CTNNA3: variants seen among roughly 807,000 people sequenced by gnomAD.
CTNNA3 encodes catenin alpha 3.
CTNNA3 carries 76 observed loss-of-function variants against 95.7 expected under a neutral mutation model. That is an observed-to-expected ratio of 0.79 (90% CI 0.66 to 0.96). CTNNA3 has a LOEUF of 0.96. CTNNA3 is among the 40% of genes least tolerant of loss of function. The pLI is 0.00. For synonymous variants in CTNNA3, 431 were observed against 374.4 expected, an observed-to-expected ratio of 1.15 and a Z score of -1.74; for missense variants, 1,191 against 1,089.8, an observed-to-expected ratio of 1.09 and a Z score of -1.31.
At chr10:66,768,764 A>G (rs535535357) in intron 8 of CTNNA3, among the ~76,000 whole-genome samples, 2 of 125,242 alleles carry the variant, frequency 1.6e-5, no homozygotes, top group Admixed American at 1.8e-4. Context: ...TACAATAAAG[A>G]AAAACTTAGA....
At chr10:66,093,080 T>C (rs1253432446) in intron 14 of CTNNA3, among the ~76,000 whole-genome samples, 1 of 152,020 alleles carries the variant, frequency 6.6e-6, no homozygotes, top group African/African-American at 2.4e-5. Flanking sequence ...CATATTAAGA[T>C]ATTTGGTAAA....
chr10:66,895,063 AAAAAAAAAAG>A (rs1231029482), intron 7 of CTNNA3, among the ~76,000 whole-genome samples: 1 of 149,086 alleles, frequency 6.7e-6, no homozygotes, highest in African/African-American at 2.5e-5. Flanking sequence ...ACAAAAAAAA[AAAAAAAAAAG>A]AAAGTGTCCT....
intron 7 of CTNNA3, among the ~76,000 whole-genome samples, chr10:66,974,711 G>A (rs1325726989): frequency 6.6e-6 from 1 of 151,888 alleles, no homozygotes; most frequent in Non-Finnish European, 1.5e-5. Context: ...TCATTTTAAT[G>A]AGCAGGAAGT....
intron 5 of CTNNA3, among the ~76,000 whole-genome samples, chr10:67,421,343 A>G (rs1845744142): frequency 6.6e-6 from 1 of 152,240 alleles, no homozygotes; most frequent in South Asian, 2.1e-4. Flanking sequence ...TGGATAACTC[A>G]CAAAGTTAAT....
intron 5 of CTNNA3, among the ~76,000 whole-genome samples, chr10:67,285,174 A>G (rs1839549442): frequency 6.6e-6 from 1 of 152,224 alleles, no homozygotes; most frequent in Admixed American, 6.5e-5. Flanking sequence ...GTTTTAGAAG[A>G]CACTGTTCTC....
chr10:67,310,226 C>T (rs114318200), intron 5 of CTNNA3, among the ~76,000 whole-genome samples: 6,753 of 152,176 alleles, frequency 0.044, 156 homozygotes, highest in South Asian at 0.097. Context: ...CCACTGTAAA[C>T]CCTCTATTTA....
At chr10:66,449,228 C>CA (rs1311382729) in intron 11 of CTNNA3, among the ~76,000 whole-genome samples, 3 of 152,000 alleles carry the variant, frequency 2.0e-5, no homozygotes, top group African/African-American at 7.2e-5. Flanking sequence ...CATTCATCTA[C>CA]ATTGAGTGCT....
At chr10:67,022,511 G>A (rs1468338183) in intron 7 of CTNNA3, among the ~76,000 whole-genome samples, 1 of 152,114 alleles carries the variant, frequency 6.6e-6, no homozygotes, top group African/African-American at 2.4e-5. Context: ...GATGACAAAG[G>A]AAATGGCAGG....
At chr10:66,413,989 T>C (rs2093127328) in intron 11 of CTNNA3, among the ~76,000 whole-genome samples, 1 of 152,224 alleles carries the variant, frequency 6.6e-6, no homozygotes, top group East Asian at 1.9e-4. Context: ...ATTCTACTAC[T>C]TGATATAATC....
chr10:66,993,752 A>T (rs1851172306), intron 7 of CTNNA3, among the ~76,000 whole-genome samples: 1 of 150,298 alleles, frequency 6.7e-6, no homozygotes. Flanking sequence ...ATTTCGGATT[A>T]TGTGGAGAAA....
intron 9 of CTNNA3, among the ~76,000 whole-genome samples, chr10:66,761,819 G>T (rs546366323): frequency 6.6e-6 from 1 of 152,210 alleles, no homozygotes; most frequent in East Asian, 1.9e-4. Context: ...AGTCTATAGA[G>T]TCTGCTTTTG....
chr10:67,097,802 A>T, intron 7 of CTNNA3: 1 of 1,611,910 alleles, frequency 6.2e-7, no homozygotes, highest in Non-Finnish European at 8.5e-7. Context: ...CTTAACTGAG[A>T]TCATTGGTAG....
rs71468819 is a variant in CTNNA3, at chr10:67,736,451, A to AT, written c.-2+26982dup. Among the ~76,000 whole-genome samples, 1,118 of 118,028 alleles carry AT rather than the reference A, an allele frequency of 9.5e-3. 9 individuals carry two copies. Among genetic ancestry groups the AT allele is most frequent in the Non-Finnish European group, 0.013 (763 of 59,806 alleles). 77.4% of individuals were successfully genotyped at this position (118,028 alleles called of 152,430 possible). On this transcript the variant is annotated intron_variant, in intron 1 of 17. Coordinates refer to the CTNNA3 transcript ENST00000684154. ...TTTATGTTATGCATATTTTACCACA[A>AT]TTTTTTTTTTTTTTTTTTTTTTGAG...
chr10:66,014,264 T>A (rs1212647447), intron 15 of CTNNA3, among the ~76,000 whole-genome samples: 1 of 152,116 alleles, frequency 6.6e-6, no homozygotes, highest in Non-Finnish European at 1.5e-5. Context: ...TTGAAAGTAT[T>A]TAATAATTTC....
At chr10:67,286,281 G>T (rs1037590818) in intron 5 of CTNNA3, among the ~76,000 whole-genome samples, 1 of 152,136 alleles carries the variant, frequency 6.6e-6, no homozygotes, top group Non-Finnish European at 1.5e-5. Flanking sequence ...TTCAATCTAT[G>T]ACTAAATAAT....
At chr10:65,966,295 C>T (rs1382793460) in intron 17 of CTNNA3, among the ~76,000 whole-genome samples, 2 of 152,130 alleles carry the variant, frequency 1.3e-5, no homozygotes, top group African/African-American at 2.4e-5. Flanking sequence ...TTATAGGATT[C>T]ATTCCGGAGT....
chr10:66,667,412 G>A (rs1240597649), intron 9 of CTNNA3, among the ~76,000 whole-genome samples: 3 of 152,178 alleles, frequency 2.0e-5, no homozygotes, highest in Non-Finnish European at 4.4e-5. Flanking sequence ...GAACAGAGCT[G>A]AGAATATTGT....
chr10:67,056,073 T>G (rs1855409758), intron 7 of CTNNA3, among the ~76,000 whole-genome samples: 1 of 152,080 alleles, frequency 6.6e-6, no homozygotes, highest in Non-Finnish European at 1.5e-5. Flanking sequence ...TGTAAAGTAT[T>G]GGAAAGAACA....
chr10:67,491,613 A>G (rs1001315830), intron 5 of CTNNA3, among the ~76,000 whole-genome samples: 1 of 152,162 alleles, frequency 6.6e-6, no homozygotes, highest in African/African-American at 2.4e-5. Flanking sequence ...AACGGAAAAT[A>G]CTCTGATATG....
Sources: allele counts gnomAD v4.1 joint callset (sites outside exome capture counted in the v4.1 genomes callset), GRCh38; gene constraint gnomAD v4.1.1; transcripts MANE v1.5; gene names NCBI Gene and HGNC (gene_info 2026-07-23, HGNC 2026-07-21).